Variants in NBAS observed in about 807,000 individuals in gnomAD.
NBAS encodes the protein NAG/BC035112 fusion.
Under a neutral mutation model 302.5 loss-of-function variants are expected in NBAS, and 219 were observed. That is an observed-to-expected ratio of 0.72 (90% CI 0.65 to 0.81). NBAS has a LOEUF of 0.81. Among genes scored for constraint, NBAS ranks in the 30% least tolerant of loss-of-function variants. The pLI, the probability that NBAS is intolerant of heterozygous loss-of-function variation, is 0.00. For missense variants in NBAS, 2,932 were observed against 2,841.6 expected, an observed-to-expected ratio of 1.03 and a Z score of -0.72; for synonymous variants, 1,118 against 1,021.6, an observed-to-expected ratio of 1.09 and a Z score of -1.80.
chr2:15,119,213 C>T, the NBAS span, among the ~76,000 whole-genome samples: 2 of 151,828 alleles, frequency 1.3e-5, no homozygotes, highest in Admixed American at 6.6e-5. Flanking sequence ...TTGGGATCTG[C>T]TATGTGCCAG....
the NBAS span, among the ~76,000 whole-genome samples, chr2:14,913,022 A>G: frequency 2.2e-4 from 33 of 152,362 alleles, no homozygotes; most frequent in African/African-American, 7.2e-4. Context: ...AGTTGAAAGA[A>G]CATTAAACCT....
chr2:14,821,184 C>T, the NBAS span, among the ~76,000 whole-genome samples: 1 of 152,128 alleles, frequency 6.6e-6, no homozygotes, highest in African/African-American at 2.4e-5. Flanking sequence ...CCTCGCCTCC[C>T]GAAGTGCTGG....
chr2:15,331,234 G>A (rs1344733406), intron 35 of NBAS, among the ~76,000 whole-genome samples: 3 of 152,148 alleles, frequency 2.0e-5, no homozygotes, highest in Non-Finnish European at 4.4e-5. Context: ...TAAAAGGCAT[G>A]TTTCCCATCT....
At chr2:15,409,825 T>C (rs1676595212) in intron 25 of NBAS, among the ~76,000 whole-genome samples, 1 of 152,226 alleles carries the variant, frequency 6.6e-6, no homozygotes, top group Admixed American at 6.5e-5. Flanking sequence ...TGTAAACTTA[T>C]CCTCATCAAA....
the NBAS span, among the ~76,000 whole-genome samples, chr2:14,975,008 C>T: frequency 5.3e-5 from 8 of 152,134 alleles, no homozygotes; most frequent in East Asian, 1.9e-4. Context: ...CCAAGGAATT[C>T]GGCTGGGTTG....
chr2:15,450,621 T>G (rs1221936348), intron 21 of NBAS, among the ~76,000 whole-genome samples: 3 of 152,208 alleles, frequency 2.0e-5, no homozygotes, highest in East Asian at 1.9e-4. Context: ...ACATTTCTAT[T>G]TATTTACTGA....
chr2:15,143,190 AT>A, the NBAS span, among the ~76,000 whole-genome samples: 1 of 152,108 alleles, frequency 6.6e-6, no homozygotes, highest in African/African-American at 2.4e-5. Context: ...CCTTTCTACA[AT>A]TCTTTATCTC....
chr2:15,489,451 G>C (rs1680766071), intron 11 of NBAS, among the ~76,000 whole-genome samples: 1 of 151,870 alleles, frequency 6.6e-6, no homozygotes, highest in South Asian at 2.1e-4. Flanking sequence ...ATCATAAATA[G>C]GCCAAAAATT....
intron 30 of NBAS, among the ~76,000 whole-genome samples, chr2:15,375,518 C>A (rs4668444): frequency 6.6e-6 from 1 of 151,876 alleles, no homozygotes; most frequent in Non-Finnish European, 1.5e-5. Context: ...GTGACAGATA[C>A]AGGCCAAGCC....
the NBAS span, among the ~76,000 whole-genome samples, chr2:14,821,402 A>T: frequency 6.6e-6 from 1 of 152,132 alleles, no homozygotes; most frequent in Non-Finnish European, 1.5e-5. Context: ...GCCTGACTTC[A>T]ATCTCTTGAC....
chr2:15,439,309 A>T (rs1175403324), intron 21 of NBAS, among the ~76,000 whole-genome samples: 1 of 151,212 alleles, frequency 6.6e-6, no homozygotes, highest in Non-Finnish European at 1.5e-5. Context: ...CTCAAATAAA[A>T]AAAAAAAAAA....
At chr2:15,002,234 G>T in the NBAS span, among the ~76,000 whole-genome samples, 3 of 151,766 alleles carry the variant, frequency 2.0e-5, no homozygotes. Flanking sequence ...GAGCTAGATA[G>T]AGAGTGCCTG....
chr2:15,490,831 CA>C (rs1424840660), intron 11 of NBAS, among the ~76,000 whole-genome samples: 2 of 152,136 alleles, frequency 1.3e-5, no homozygotes, highest in Non-Finnish European at 2.9e-5. Context: ...TGCCCCTCAG[CA>C]GAAATTATGG....
At chr2:15,504,300 A>G (rs1661739071) in intron 10 of NBAS, 87 bp from the exon 11 acceptor site, 2 of 1,038,926 alleles carry the variant, frequency 1.9e-6, no homozygotes, top group African/African-American at 3.2e-5. Context: ...TGAAAACTAT[A>G]GCAAATCTAG....
In NBAS at chr2:15,328,187, C is replaced by A; in HGVS notation, c.4461+12G>T. On this transcript the variant is annotated intron_variant, in intron 37 of 51. Coordinates refer to ENST00000281513, the MANE Select transcript of NBAS (RefSeq NM_015909.4). Reference sequence around the variant, plus strand: ...ACAGTTAAATCTATCTTCCTAGACACGCTGTCCTTACCTCAGCGACAAAAG... The same window carrying A: ...ACAGTTAAATCTATCTTCCTAGACAAGCTGTCCTTACCTCAGCGACAAAAG... The A allele has an allele frequency of 6.2e-7, 1 of 1,606,088 alleles. No individual in the cohort carries two copies. The highest frequency in any genetic ancestry group is 2.2e-5 in the East Asian group (1 of 44,836).
At chr2:14,920,425 G>A in the NBAS span, among the ~76,000 whole-genome samples, 1 of 152,126 alleles carries the variant, frequency 6.6e-6, no homozygotes, top group Non-Finnish European at 1.5e-5. Context: ...ATGAGCATTG[G>A]TATCCACCTA....
chr2:15,463,301 C>G (rs767831805), intron 19 of NBAS, among the ~76,000 whole-genome samples: 1 of 152,142 alleles, frequency 6.6e-6, no homozygotes, highest in East Asian at 1.9e-4. Flanking sequence ...TTCCTTGATT[C>G]CTCATGCATG....
the NBAS span, among the ~76,000 whole-genome samples, chr2:14,797,115 C>A: frequency 7.8e-4 from 103 of 131,846 alleles, no homozygotes; most frequent in South Asian, 3.1e-3. Flanking sequence ...AAAAAAAAAA[C>A]CAAAAACAGA....
intron 21 of NBAS, among the ~76,000 whole-genome samples, chr2:15,428,547 T>C (rs1394101377): frequency 2.0e-5 from 3 of 152,040 alleles, no homozygotes; most frequent in East Asian, 1.9e-4. Flanking sequence ...CTAGGCAACA[T>C]AGTGGGACCT....
Sources: gnomAD v4.1 joint callset for allele counts (sites outside exome capture counted in the v4.1 genomes callset) on GRCh38, gnomAD v4.1.1 for gene constraint, MANE v1.5 for transcripts, NCBI Gene and HGNC (gene_info 2026-07-23, HGNC 2026-07-21) for gene names.